ARB2A: variants seen among roughly 807,000 people sequenced by gnomAD.
ARB2A encodes the protein cotranscriptional regulator ARB2A.
the ARB2A span, chr5:93,733,882 A>G: frequency 9.2e-5 from 14 of 152,240 alleles, no homozygotes; most frequent in Admixed American, 9.2e-4. Flanking sequence ...TTAATCTTGA[A>G]TAGATTTTGC....
At chr5:94,031,852 A>G in the ARB2A span, among the ~76,000 whole-genome samples, 1 of 152,202 alleles carries the variant, frequency 6.6e-6, no homozygotes, top group South Asian at 2.1e-4. Flanking sequence ...CTGCTCCAAA[A>G]AGTACAAGCC....
At chr5:93,852,795 T>A in the ARB2A span, among the ~76,000 whole-genome samples, 3 of 152,188 alleles carry the variant, frequency 2.0e-5, no homozygotes, top group Non-Finnish European at 4.4e-5. Flanking sequence ...GAGGGCTCTG[T>A]TCTGTTCCAT....
chr5:93,737,734 C>T, the ARB2A span: 1 of 312,888 alleles, frequency 3.2e-6, no homozygotes, highest in Non-Finnish European at 6.2e-6. Context: ...TCATTCAATG[C>T]AGAAAGAACA....
the ARB2A span, among the ~76,000 whole-genome samples, chr5:93,764,864 T>C: frequency 1.3e-5 from 2 of 152,202 alleles, no homozygotes; most frequent in Admixed American, 1.3e-4. Flanking sequence ...GTGGGCTTCA[T>C]TCCTGGGATG....
chr5:93,659,370 A>G, the ARB2A span, among the ~76,000 whole-genome samples: 2 of 152,094 alleles, frequency 1.3e-5, no homozygotes, highest in African/African-American at 2.4e-5. Flanking sequence ...ACCAGAATCT[A>G]TCCTTAAACT....
chr5:93,924,960 T>C, the ARB2A span, among the ~76,000 whole-genome samples: 1 of 152,182 alleles, frequency 6.6e-6, no homozygotes. Flanking sequence ...CCTTGGATAC[T>C]GTCAAATGTA....
chr5:93,677,028 A>C, the ARB2A span, among the ~76,000 whole-genome samples: 2 of 152,178 alleles, frequency 1.3e-5, no homozygotes, highest in East Asian at 1.9e-4. Context: ...CATCCTACGA[A>C]TATCTGGCTG....
the ARB2A span, among the ~76,000 whole-genome samples, chr5:93,713,614 A>G: frequency 6.6e-6 from 1 of 152,204 alleles, no homozygotes; most frequent in Non-Finnish European, 1.5e-5. Flanking sequence ...GGGAATGTAA[A>G]ATAACACTAC....
chr5:93,620,547 T>C, the ARB2A span: 1 of 154,056 alleles, frequency 6.5e-6, no homozygotes, highest in Non-Finnish European at 1.4e-5. Flanking sequence ...ATCTGAAGTC[T>C]GGAATAGAAG....
chr5:93,786,687 T>C, the ARB2A span, among the ~76,000 whole-genome samples: 7 of 152,332 alleles, frequency 4.6e-5, no homozygotes, highest in East Asian at 1.3e-3. Context: ...CAGCCTAATT[T>C]AGTAGTCCTG....
At chr5:93,986,004 T>A in the ARB2A span, among the ~76,000 whole-genome samples, 1 of 144,078 alleles carries the variant, frequency 6.9e-6, no homozygotes. Flanking sequence ...CCGCCTATCG[T>A]CTGGGATGTG....
At chr5:94,075,041 A>G in the ARB2A span, among the ~76,000 whole-genome samples, 2 of 152,098 alleles carry the variant, frequency 1.3e-5, no homozygotes, top group Non-Finnish European at 2.9e-5. Flanking sequence ...CTTATACATT[A>G]CAGTTACCTA....
chr5:93,634,280 G>A, the ARB2A span, among the ~76,000 whole-genome samples: 1 of 151,726 alleles, frequency 6.6e-6, no homozygotes, highest in Admixed American at 6.6e-5. Flanking sequence ...CGGGCCCGTA[G>A]TCCCAGCTAC....
At chr5:94,036,383 A>T in the ARB2A span, among the ~76,000 whole-genome samples, 2 of 152,322 alleles carry the variant, frequency 1.3e-5, no homozygotes. Flanking sequence ...CACAATAATA[A>T]ACAACAAATA....
the ARB2A span, among the ~76,000 whole-genome samples, chr5:93,795,760 C>A: frequency 8.6e-5 from 13 of 151,076 alleles, no homozygotes; most frequent in East Asian, 2.5e-3. Context: ...ACACTGACAC[C>A]ATATTAACCC....
At chr5:93,786,534 T>C in the ARB2A span, among the ~76,000 whole-genome samples, 4 of 152,212 alleles carry the variant, frequency 2.6e-5, no homozygotes, top group Non-Finnish European at 5.9e-5. Context: ...TTCCAGAAGA[T>C]CTTACTGAAG....
At chr5:94,016,127 G>A in the ARB2A span, among the ~76,000 whole-genome samples, 1 of 152,180 alleles carries the variant, frequency 6.6e-6, no homozygotes, top group African/African-American at 2.4e-5. Context: ...AAAAAGAGCA[G>A]AAGTAGTTGT....
the ARB2A span, among the ~76,000 whole-genome samples, chr5:93,879,485 G>T: frequency 1.4e-5 from 2 of 141,756 alleles, no homozygotes; most frequent in South Asian, 5.0e-4. Context: ...AGAAAAGAGG[G>T]AAAAATGACA....
chr5:93,868,193 T>TG, the ARB2A span, among the ~76,000 whole-genome samples: 3 of 152,110 alleles, frequency 2.0e-5, no homozygotes, highest in Non-Finnish European at 4.4e-5. Flanking sequence ...TGGTGGCACA[T>TG]GCCTGTGGTC....
Sources: allele counts gnomAD v4.1 joint callset (sites outside exome capture counted in the v4.1 genomes callset), GRCh38; gene constraint gnomAD v4.1.1; transcripts MANE v1.5; gene names NCBI Gene and HGNC (gene_info 2026-07-23, HGNC 2026-07-21).